The following KBTBD12 variants were observed in gnomAD, a reference collection of about 807,000 sequenced individuals.
KBTBD12 encodes kelch repeat and BTB domain containing 12.
In KBTBD12, 53 loss-of-function variants were observed where a neutral mutation model predicts 58.7. That is an observed-to-expected ratio of 0.90 (90% CI 0.72 to 1.14). The LOEUF is 1.14. KBTBD12 is among the 50% of genes most tolerant of loss of function. The pLI is 0.00. For missense variants in KBTBD12, 704 were observed against 751.3 expected (o/e 0.94, Z 0.74); for synonymous variants, 236 against 259.8 (o/e 0.91, Z 0.88).
At position 127,985,732 on chromosome 3, in the gene KBTBD12, A is replaced by G. The variant is rs1940953286; in HGVS notation, c.*1454A>G. On this transcript the variant is annotated 3_prime_UTR_variant, in exon 6 of 6. Transcript: ENST00000405109. ...AGGAGACCCAGCGTAGGTTGGCCCCAAGTAGGCTCAACTCGGGAGGGTGGG... is the reference window on the plus strand; with the variant it reads ...AGGAGACCCAGCGTAGGTTGGCCCCGAGTAGGCTCAACTCGGGAGGGTGGG... The G allele has an allele frequency of 1.3e-5, 2 of 152,260 alleles. No individual in the cohort carries two copies. The highest frequency in any genetic ancestry group is 4.1e-4 in the South Asian group (2 of 4,836). The allele number at this position is 152,260 out of a possible 1,614,324, so 9.4% of individuals were successfully genotyped here. A position where few individuals can be genotyped will look rare whatever the true frequency, so the allele number is the denominator to read the frequency against.
At chr3:127,974,011 T>G (rs1434006618) in intron 5 of KBTBD12, among the ~76,000 whole-genome samples, 4 of 152,222 alleles carry the variant, frequency 2.6e-5, no homozygotes, top group Non-Finnish European at 5.9e-5. Flanking sequence ...CAACTTCCTA[T>G]CTGTCCTACA....
chr3:127,948,385 C>T (rs1369976536), intron 4 of KBTBD12, among the ~76,000 whole-genome samples: 1 of 152,148 alleles, frequency 6.6e-6, no homozygotes, highest in Non-Finnish European at 1.5e-5. Flanking sequence ...TGATGCTGGC[C>T]CCGTACTCTC....
intron 4 of KBTBD12, among the ~76,000 whole-genome samples, chr3:127,942,633 T>C (rs1198701111): frequency 6.8e-6 from 1 of 146,682 alleles, no homozygotes; most frequent in African/African-American, 2.5e-5. Context: ...TATATATATA[T>C]AACTATATAT....
At chr3:127,972,587 T>C (rs1414508546) in intron 5 of KBTBD12, among the ~76,000 whole-genome samples, 1 of 152,220 alleles carries the variant, frequency 6.6e-6, no homozygotes, top group Non-Finnish European at 1.5e-5. Context: ...TGTTGGATGA[T>C]GGACTCAGCT....
intron 1 of KBTBD12, among the ~76,000 whole-genome samples, chr3:127,917,059 TC>T (rs1395636913): frequency 6.6e-6 from 1 of 152,184 alleles, no homozygotes; most frequent in Non-Finnish European, 1.5e-5. Flanking sequence ...CTTCTCCCCA[TC>T]AGCAACCAAT....
intron 5 of KBTBD12, among the ~76,000 whole-genome samples, chr3:127,969,579 T>C (rs1408747022): frequency 6.6e-6 from 1 of 152,194 alleles, no homozygotes; most frequent in Admixed American, 6.5e-5. Context: ...TTCAAAGCTA[T>C]AGTAGTCAAG....
At chr3:127,957,883 G>A (rs1297560966) in intron 4 of KBTBD12, among the ~76,000 whole-genome samples, 1 of 152,198 alleles carries the variant, frequency 6.6e-6, no homozygotes, top group Non-Finnish European at 1.5e-5. Flanking sequence ...CTTGATTTCT[G>A]TTCAGGACAG....
At chr3:127,963,636 C>A in intron 5 of KBTBD12, 1 of 314,734 alleles carries the variant, frequency 3.2e-6, no homozygotes, top group Non-Finnish European at 5.5e-6. Context: ...CTGAACACAC[C>A]TGGTCTCACC....
intron 4 of KBTBD12, among the ~76,000 whole-genome samples, chr3:127,958,834 T>C (rs1209057285): frequency 1.3e-5 from 2 of 152,166 alleles, no homozygotes; most frequent in Non-Finnish European, 2.9e-5. Context: ...GGTCAAGGGC[T>C]ATGAAGGCCA....
In KBTBD12 at chr3:127,923,355, T is replaced by A. The variant is rs191035790; in HGVS notation, c.294T>A (p.Asn98Lys). The stretch of plus-strand genomic sequence containing the variant: ...ACAATGCAGCTTTGGAGATCAATAA[T>A]GCCAATGTACAGACTGTAGCTATGG... Reference protein sequence around the residue: ...YMYNAALEINNANVQTVAMAA... With the variant: ...YMYNAALEINKANVQTVAMAA... Residue 98 changes from asparagine (N) to lysine (K), a missense_variant, in exon 2 of 6, where the codon AAT becomes AAA. Physicochemically the swap from Asn to Lys is moderately conservative, Grantham distance 94. Transcript: ENST00000405109. 1,657 of 1,613,870 alleles carry A rather than the reference T, an allele frequency of 1.0e-3. 2 individuals are homozygous for A. The highest frequency in any genetic ancestry group is 1.0e-3 in the Non-Finnish European group (1,176 of 1,179,816).
intron 4 of KBTBD12, among the ~76,000 whole-genome samples, chr3:127,962,490 T>C (rs1364854401): frequency 6.6e-6 from 1 of 152,242 alleles, no homozygotes; most frequent in Non-Finnish European, 1.5e-5. Context: ...CTTTATTTAT[T>C]TGCAAACACG....
chr3:127,957,303 G>A (rs148380590), intron 4 of KBTBD12, among the ~76,000 whole-genome samples: 1 of 152,196 alleles, frequency 6.6e-6, no homozygotes, highest in African/African-American at 2.4e-5. Context: ...GCATCCTTTA[G>A]AAGATATTGT....
chr3:127,970,935 G>T (rs918412065), intron 5 of KBTBD12, among the ~76,000 whole-genome samples: 1 of 152,192 alleles, frequency 6.6e-6, no homozygotes, highest in Non-Finnish European at 1.5e-5. Context: ...TGAATTTTAT[G>T]ATATATGAAC....
At chr3:127,925,678 C>T (rs1939553144) in intron 2 of KBTBD12, among the ~76,000 whole-genome samples, 1 of 152,204 alleles carries the variant, frequency 6.6e-6, no homozygotes, top group Admixed American at 6.5e-5. Flanking sequence ...CCAACCGTCT[C>T]ACCCTCCACA....
intron 4 of KBTBD12, among the ~76,000 whole-genome samples, chr3:127,936,166 C>T (rs1939826823): frequency 6.6e-6 from 1 of 151,956 alleles, no homozygotes; most frequent in Admixed American, 6.6e-5. Context: ...AGAAGTTCAA[C>T]ACCAGAGTGG....
intron 5 of KBTBD12, among the ~76,000 whole-genome samples, chr3:127,981,834 C>T (rs1940878657): frequency 6.6e-6 from 1 of 152,040 alleles, no homozygotes; most frequent in Non-Finnish European, 1.5e-5. Context: ...TGTATAAGAG[C>T]TAAATAACAA....
Position 127,984,223 on chromosome 3 carries a change from C to T in KBTBD12, c.1817C>T (p.Pro606Leu). The T allele has an allele frequency of 6.2e-7, 1 of 1,613,910 alleles. No individual in the cohort carries two copies. Among genetic ancestry groups the T allele is most frequent in the Non-Finnish European group, 8.5e-7 (1 of 1,179,862 alleles). The change falls in exon 6 of 6, where the codon CCC (proline) becomes CTC (leucine). Residue 606 changes from proline to leucine, a missense_variant. Pro to Leu is a moderately conservative substitution (Grantham distance 98, BLOSUM62 -3). Transcript: ENST00000405109. ...YDVCLVARMNPRDLIPPPSDL... is the reference protein window; with the variant it reads ...YDVCLVARMNLRDLIPPPSDL... The stretch of plus-strand genomic sequence containing the variant: ...GTCTGCCTAGTAGCCAGGATGAATC[C>T]CCGAGACCTCATCCCCCCGCCTTCA...
At chr3:127,950,531 A>C (rs542570601) in intron 4 of KBTBD12, among the ~76,000 whole-genome samples, 1 of 152,312 alleles carries the variant, frequency 6.6e-6, no homozygotes, top group South Asian at 2.1e-4. Flanking sequence ...TTTTTTTATC[A>C]TACTGTGATT....
chr3:127,971,075 A>G (rs7633735), intron 5 of KBTBD12, among the ~76,000 whole-genome samples: 80,364 of 151,888 alleles, frequency 0.53, 21,993 homozygotes, highest in African/African-American at 0.67. Context: ...GAGGGTGCTT[A>G]GAGGCAGGTT....
Sources: gnomAD v4.1 joint callset for allele counts (sites outside exome capture counted in the v4.1 genomes callset) on GRCh38, gnomAD v4.1.1 for gene constraint, MANE v1.5 for transcripts, NCBI Gene and HGNC (gene_info 2026-07-23, HGNC 2026-07-21) for gene names.